The following CTNND2 variants were observed in gnomAD, a reference collection of about 807,000 sequenced individuals.
CTNND2 encodes catenin delta 2.
Under a neutral mutation model 144.4 loss-of-function variants are expected in CTNND2, and 22 were observed. The observed-to-expected ratio is 0.15, with a 90% CI of 0.11 to 0.22. The LOEUF (loss-of-function observed/expected upper bound fraction) is 0.22. CTNND2 is among the 10% of genes least tolerant of loss of function. The pLI is 1.00. For missense variants in CTNND2, 1,353 were observed against 1,618.8 expected (o/e 0.84, Z 2.82); for synonymous variants, 751 against 695.6 (o/e 1.08, Z -1.25).
intron 14 of CTNND2, 87 bp downstream of exon 14, chr5:11,110,770 CA>C: frequency 2.4e-6 from 3 of 1,256,274 alleles, no homozygotes; most frequent in Non-Finnish European, 3.3e-6. Context: ...GATGAAAATG[CA>C]GGGCTCATTC....
chr5:11,177,438 C>CA (rs1344029128), intron 11 of CTNND2, among the ~76,000 whole-genome samples: 2 of 152,002 alleles, frequency 1.3e-5, no homozygotes, highest in Admixed American at 1.3e-4. Context: ...AAAGAAAGGA[C>CA]AAAAAACAGC....
chr5:11,547,160 T>C (rs1243189269), intron 3 of CTNND2, among the ~76,000 whole-genome samples: 1 of 151,730 alleles, frequency 6.6e-6, no homozygotes. Context: ...CTCAGCTACT[T>C]AGGAAGCTGA....
chr5:11,649,264 C>A (rs536520136), intron 2 of CTNND2, among the ~76,000 whole-genome samples: 1 of 152,048 alleles, frequency 6.6e-6, no homozygotes, highest in East Asian at 1.9e-4. Flanking sequence ...AAATTTGTAC[C>A]CTATATAACT....
At chr5:11,163,647 G>A (rs543174694) in intron 11 of CTNND2, among the ~76,000 whole-genome samples, 8 of 151,784 alleles carry the variant, frequency 5.3e-5, no homozygotes, top group African/African-American at 1.5e-4. Context: ...TTTCCCTCTC[G>A]CCTTCCCAGG....
chr5:11,551,582 C>A (rs1360368710), intron 3 of CTNND2, among the ~76,000 whole-genome samples: 6 of 151,054 alleles, frequency 4.0e-5, no homozygotes, highest in African/African-American at 1.5e-4. Context: ...CCACACCCAA[C>A]TATTTTTTTT....
At chr5:11,651,969 C>T (rs1782666482) in intron 2 of CTNND2, among the ~76,000 whole-genome samples, 1 of 152,074 alleles carries the variant, frequency 6.6e-6, no homozygotes, top group Non-Finnish European at 1.5e-5. Flanking sequence ...TGAGTTAATG[C>T]TTAAATGAGT....
At chr5:11,024,407 A>G (rs142638334) in intron 16 of CTNND2, among the ~76,000 whole-genome samples, 1 of 152,362 alleles carries the variant, frequency 6.6e-6, no homozygotes, top group African/African-American at 2.4e-5. Flanking sequence ...AAAATAGTTT[A>G]TCTATTTATC....
At chr5:11,482,630 G>T (rs1768391027) in intron 3 of CTNND2, among the ~76,000 whole-genome samples, 1 of 152,078 alleles carries the variant, frequency 6.6e-6, no homozygotes, top group Non-Finnish European at 1.5e-5. Context: ...AGCGGGAAGG[G>T]CATTAGAGAT....
chr5:11,575,606 T>C (rs1015601678), intron 2 of CTNND2, among the ~76,000 whole-genome samples: 1 of 152,208 alleles, frequency 6.6e-6, no homozygotes, highest in South Asian at 2.1e-4. Flanking sequence ...ATGCTCTTTG[T>C]TGAAACTTAA....
intron 1 of CTNND2, among the ~76,000 whole-genome samples, chr5:11,902,336 G>A (rs1292726318): frequency 3.3e-5 from 5 of 152,072 alleles, no homozygotes; most frequent in African/African-American, 1.2e-4. Flanking sequence ...TATATCACAC[G>A]TCTCGTAGCA....
At chr5:11,173,299 C>A (rs1760120999) in intron 11 of CTNND2, among the ~76,000 whole-genome samples, 1 of 152,226 alleles carries the variant, frequency 6.6e-6, no homozygotes, top group Non-Finnish European at 1.5e-5. Flanking sequence ...GGCTGGGAAG[C>A]CTTGTGGCTA....
At chr5:11,584,818 T>C (rs942969577) in intron 2 of CTNND2, among the ~76,000 whole-genome samples, 48 of 152,306 alleles carry the variant, frequency 3.2e-4, no homozygotes, top group African/African-American at 1.0e-3. Context: ...CGTTTTGTTT[T>C]TTTGAGCAGA....
chr5:11,186,246 A>G (rs776344619), intron 11 of CTNND2, among the ~76,000 whole-genome samples: 5 of 152,200 alleles, frequency 3.3e-5, no homozygotes, highest in African/African-American at 1.2e-4. Context: ...CATGCTCACA[A>G]AACACTCTCT....
chr5:11,847,125 A>G (rs1048094019), intron 1 of CTNND2, among the ~76,000 whole-genome samples: 15 of 103,668 alleles, frequency 1.4e-4, no homozygotes. Flanking sequence ...TATGTCAAAG[A>G]TTTTATATAT....
At chr5:10,996,233 G>A (rs902496756) in intron 18 of CTNND2, among the ~76,000 whole-genome samples, 13 of 152,184 alleles carry the variant, frequency 8.5e-5, no homozygotes, top group Admixed American at 3.9e-4. Context: ...GGAACGTCAC[G>A]GAAGCTAAGC....
At chr5:11,299,674 G>A (rs1444120637) in intron 9 of CTNND2, among the ~76,000 whole-genome samples, 11 of 152,130 alleles carry the variant, frequency 7.2e-5, no homozygotes, top group African/African-American at 1.4e-4. Context: ...CCTCCCCTCC[G>A]TGAAACTTTC....
At chr5:11,587,121 G>A (rs878911212) in intron 2 of CTNND2, among the ~76,000 whole-genome samples, 3 of 152,016 alleles carry the variant, frequency 2.0e-5, no homozygotes, top group Admixed American at 1.3e-4. Context: ...CTATTAGACT[G>A]ATTTACAAAA....
intron 2 of CTNND2, chr5:11,589,164 AC>A (rs1779074350): frequency 2.5e-6 from 1 of 396,004 alleles, no homozygotes; most frequent in Non-Finnish European, 3.4e-6. Context: ...TATTTATGCA[AC>A]ATTTCATCAC....
At chr5:11,304,211 G>A (rs879677305) in intron 9 of CTNND2, among the ~76,000 whole-genome samples, 7 of 152,078 alleles carry the variant, frequency 4.6e-5, no homozygotes, top group Non-Finnish European at 8.8e-5. Context: ...CTTATTGGTT[G>A]TTGAGGATTA....
Sources: gnomAD v4.1 joint callset for allele counts (sites outside exome capture counted in the v4.1 genomes callset) on GRCh38, gnomAD v4.1.1 for gene constraint, MANE v1.5 for transcripts, NCBI Gene and HGNC (gene_info 2026-07-23, HGNC 2026-07-21) for gene names.